KCNT1: variants seen among roughly 807,000 people sequenced by gnomAD.
The protein encoded by KCNT1 is potassium sodium-activated channel subfamily T member 1, also known as potassium channel subfamily T member 1.
In KCNT1, 78 loss-of-function variants were observed where a neutral mutation model predicts 147.8. The observed-to-expected ratio is 0.53, with a 90% CI of 0.44 to 0.64. The LOEUF (loss-of-function observed/expected upper bound fraction) is 0.64. Ranked by LOEUF, KCNT1 falls within the 30% of genes least tolerant of loss-of-function variation. The pLI, the probability that KCNT1 is intolerant of heterozygous loss-of-function variation, is 0.00. For synonymous variants in KCNT1, 867 were observed against 748.8 expected, an observed-to-expected ratio of 1.16 and a Z score of -2.58; for missense variants, 1,419 against 1,750.3, an observed-to-expected ratio of 0.81 and a Z score of 3.38.
rs770699458 is a variant in KCNT1 at position 135,784,650 on chromosome 9, C to T, written c.3027+32C>T. The T allele has an allele frequency of 8.7e-6, 14 of 1,610,096 alleles. 1 individual carries two copies. The highest frequency in any genetic ancestry group is 5.5e-5 in the South Asian group (5 of 90,942). ...GCCCCTGGCTGCGCTGGGCTGGGGG[C>T]GTGCTGGGCTGTCCAAGTGGGTGGA... On this transcript the variant is annotated intron_variant, in intron 26 of 30. Coordinates refer to ENST00000371757, the MANE Select transcript of KCNT1 (RefSeq NM_020822.3).
At position 135,702,799 on chromosome 9, in the gene KCNT1, C is replaced by T. The variant is rs905397927; in HGVS notation, c.110+431C>T. On this transcript the variant is annotated intron_variant, in intron 1 of 30. Coordinates refer to ENST00000371757, the MANE Select transcript of KCNT1 (RefSeq NM_020822.3). ...TGCTCGGCCAGGGTGGGGTGCCCGGCGAGGTTACCCCACACAGTAGGGGGT... is the reference window on the plus strand; with the variant it reads ...TGCTCGGCCAGGGTGGGGTGCCCGGTGAGGTTACCCCACACAGTAGGGGGT... Among the ~76,000 whole-genome samples, 9 of 152,054 alleles carry T rather than the reference C, an allele frequency of 5.9e-5. No individual in the cohort carries two copies. In the East Asian group the frequency reaches 1.7e-3, roughly 29 times the overall value.
At chr9:135,725,534 C>T (rs150279490) in intron 2 of KCNT1, among the ~76,000 whole-genome samples, 71 of 152,310 alleles carry the variant, frequency 4.7e-4, no homozygotes, top group African/African-American at 1.4e-3. Context: ...GAGGGTGGAC[C>T]TGCCAACACC....
rs980433538 is a variant in KCNT1, at chr9:135,702,386, C to T, written c.110+18C>T. 1.3e-6 allele frequency: 2 copies of T among 1,590,746 alleles called. No homozygotes were observed. The highest frequency in any genetic ancestry group is 1.7e-6 in the Non-Finnish European group (2 of 1,164,768). ...GCCCCCAGGTACAGTCTGCTGCGCC[C>T]TCCCCACGCGGGGAGGCCCCGGTCT... On this transcript the variant is annotated intron_variant, in intron 1 of 30. Coordinates refer to ENST00000371757, the MANE Select transcript of KCNT1 (RefSeq NM_020822.3).
At chr9:135,762,084 C>A (rs745435914) in intron 11 of KCNT1, among the ~76,000 whole-genome samples, 2 of 152,380 alleles carry the variant, frequency 1.3e-5, no homozygotes, top group East Asian at 1.9e-4. Flanking sequence ...GCCTCCGGGC[C>A]GGGGCTGCCT....
At chr9:135,780,513 C>T (rs1372902414) in intron 24 of KCNT1, among the ~76,000 whole-genome samples, 1 of 152,222 alleles carries the variant, frequency 6.6e-6, no homozygotes, top group Admixed American at 6.5e-5. Flanking sequence ...CCATAGGGAT[C>T]CTGGAGTCAG....
chr9:135,721,772 G>A (rs1351767864), intron 2 of KCNT1, among the ~76,000 whole-genome samples: 1 of 152,228 alleles, frequency 6.6e-6, no homozygotes, highest in Non-Finnish European at 1.5e-5. Context: ...CTCAGGGTCG[G>A]TTTGCCTGTG....
rs1280210794 is a variant in KCNT1, at chr9:135,714,586, C to G, written c.120C>G (p.Cys40Trp). The G allele has an allele frequency of 7.3e-7, 1 of 1,369,890 alleles. No homozygotes were observed. Among genetic ancestry groups the G allele is most frequent in the Non-Finnish European group, 9.6e-7 (1 of 1,045,166 alleles). The allele number at this position is 1,369,890 out of a possible 1,614,324, so 84.9% of individuals were successfully genotyped here. A position where few individuals can be genotyped will look rare whatever the true frequency, so the allele number is the denominator to read the frequency against. Residue 40 changes from cysteine (C) to tryptophan (W), a missense_variant, in exon 2 of 31, where the codon TGC becomes TGG. By Grantham distance (215) the Cys-to-Trp change is radical (BLOSUM62 -2). This residue lies in a region of KCNT1 where 181 missense variants were observed against 155.7 expected (regional missense o/e 1.16). Transcript: ENST00000371757. The surrounding 1 kb of genome is among the most constrained non-coding windows in gnomAD (Gnocchi z 6.2). ...TGGCGTGTGCCCGCAGGCGGCCCTG[C>G]GCGGGGGACGGCGCGCTCCTGGACA... ...DDGQCAPRRP[C>W]AGDGALLDTA...
At chr9:135,762,559 G>A (rs1431714371) in intron 11 of KCNT1, among the ~76,000 whole-genome samples, 1 of 152,062 alleles carries the variant, frequency 6.6e-6, no homozygotes, top group Non-Finnish European at 1.5e-5. Context: ...ACCAGCCTGG[G>A]AAACATGGCA....
chr9:135,743,868 G>C (rs1232342292), intron 2 of KCNT1, among the ~76,000 whole-genome samples: 1 of 152,270 alleles, frequency 6.6e-6, no homozygotes, highest in Non-Finnish European at 1.5e-5. Flanking sequence ...AGGGACCCCA[G>C]GGGGACGGAG....
intron 2 of KCNT1, among the ~76,000 whole-genome samples, chr9:135,725,195 G>C (rs975255217): frequency 6.6e-6 from 1 of 151,918 alleles, no homozygotes; most frequent in Non-Finnish European, 1.5e-5. Context: ...TGCCGGGGGG[G>C]ACCTCAGAAG....
chr9:135,742,677 A>G (rs1830626313), intron 2 of KCNT1: 1 of 711,792 alleles, frequency 1.4e-6, no homozygotes, highest in Non-Finnish European at 2.6e-6. Context: ...CTGTCTGTCT[A>G]CTGCCTTCTC....
chr9:135,772,785 C>G lies in KCNT1; in HGVS notation c.2079C>G (p.Ser693Arg). The change falls in exon 19 of 31, where the codon AGC becomes AGG. Residue 693 changes from serine (S) to arginine (R), a missense_variant. By Grantham distance (110) the Ser-to-Arg change is moderately radical. Around this residue, in one of 5 missense-constraint regions of KCNT1, gnomAD observed 284 missense variants for 292.8 expected, o/e 0.97. Coordinates refer to ENST00000371757, the MANE Select transcript of KCNT1 (RefSeq NM_020822.3). ...PTQSGGGGGG[S>R]KLALPTENGS... ...AGAGCGGCGGTGGGGGCGGGGGCAG[C>G]AAGCTGGCACTGCCCACGGAGAACG... 1 of 1,492,166 alleles carries G rather than the reference C, an allele frequency of 6.7e-7. No homozygotes were observed. The highest frequency in any genetic ancestry group is 8.9e-7 in the Non-Finnish European group (1 of 1,118,838). 92.4% of individuals were successfully genotyped at this position (1,492,166 alleles called of 1,614,324 possible).
At chr9:135,762,105 C>T (rs1351485453) in intron 11 of KCNT1, among the ~76,000 whole-genome samples, 1 of 152,248 alleles carries the variant, frequency 6.6e-6, no homozygotes, top group Non-Finnish European at 1.5e-5. Context: ...TCCCATTCTG[C>T]TCCTGAAGCA....
intron 13 of KCNT1, 34 bp downstream of exon 13, chr9:135,765,794 G>C (rs759303490): frequency 6.5e-7 from 1 of 1,542,408 alleles, no homozygotes; most frequent in East Asian, 2.3e-5. Context: ...GTGGCATGGG[G>C]GCACCTTCCT....
rs561950039 is a variant in KCNT1 at position 135,703,676 on chromosome 9, G to A, written c.110+1308G>A. Among the ~76,000 whole-genome samples, 334 of 152,288 alleles carry A rather than the reference G, an allele frequency of 2.2e-3. 1 individual carries two copies. Among genetic ancestry groups the A allele is most frequent in the African/African-American group, 7.5e-3 (313 of 41,552 alleles). On this transcript the variant is annotated intron_variant, in intron 1 of 30. Transcript: ENST00000371757. ...TTGCCCTCATCTTTGTGGGCTGGCC[G>A]GCCCCTACCATCTCCCTCCCCAGCC...
intron 13 of KCNT1, among the ~76,000 whole-genome samples, chr9:135,767,677 C>T (rs1235404647): frequency 1.3e-5 from 2 of 152,090 alleles, no homozygotes; most frequent in South Asian, 2.1e-4. Context: ...GGGTCTCCAC[C>T]GGGCCTGCTC....
chr9:135,764,499 T>C (rs1360572751), intron 11 of KCNT1, among the ~76,000 whole-genome samples: 1 of 152,120 alleles, frequency 6.6e-6, no homozygotes, highest in Non-Finnish European at 1.5e-5. Context: ...TAGAGGCCAG[T>C]GGGGCCGGTG....
At chr9:135,732,041 G>GAGAGA (rs59851086) in intron 2 of KCNT1, among the ~76,000 whole-genome samples, 2 of 133,246 alleles carry the variant, frequency 1.5e-5, no homozygotes, top group South Asian at 2.5e-4. Flanking sequence ...GAGAGAGAGA[G>GAGAGA]GGAGTCTCAC....
chr9:135,756,800 C>T (rs974550207), intron 6 of KCNT1, 73 bp from the exon 7 acceptor site: 10 of 1,257,950 alleles, frequency 7.9e-6, no homozygotes, highest in African/African-American at 7.4e-5. Context: ...TACCTGCCCG[C>T]GAGGCCTGTG....
Sources: allele counts gnomAD v4.1 joint callset (sites outside exome capture counted in the v4.1 genomes callset), GRCh38; gene constraint gnomAD v4.1.1; regional missense constraint gnomAD v4.1.1; non-coding constraint Gnocchi (gnomAD v3.1); transcripts MANE v1.5; gene names NCBI Gene and HGNC (gene_info 2026-07-23, HGNC 2026-07-21).